SGCD: variants seen among roughly 807,000 people sequenced by gnomAD.
SGCD encodes the protein delta-sarcoglycan.
In SGCD, 18 loss-of-function variants were observed where a neutral mutation model predicts 36.6. The ratio of observed to expected loss-of-function variants is 0.49; its 90% confidence interval spans 0.34 to 0.73. The LOEUF (loss-of-function observed/expected upper bound fraction) is 0.73, where lower values mean the gene tolerates loss of function less well. Ranked by LOEUF, SGCD falls within the 30% of genes least tolerant of loss-of-function variation. SGCD has a pLI of 0.01. For synonymous variants in SGCD, 133 were observed against 130.6 expected, an observed-to-expected ratio of 1.02 and a Z score of -0.12; for missense variants, 387 against 346.7, an observed-to-expected ratio of 1.12 and a Z score of -0.92.
At chr5:155,873,455 T>C (rs1755702302) in intron 1 of SGCD, among the ~76,000 whole-genome samples, 1 of 152,168 alleles carries the variant, frequency 6.6e-6, no homozygotes. Flanking sequence ...TTCTCACTTA[T>C]AAATGTCAGA....
intron 3 of SGCD, among the ~76,000 whole-genome samples, chr5:156,364,561 G>T (rs1580877494): frequency 6.6e-6 from 1 of 152,310 alleles, no homozygotes; most frequent in East Asian, 1.9e-4. Flanking sequence ...AATCCAGTAT[G>T]TGTGTGACTT....
intron 7 of SGCD, among the ~76,000 whole-genome samples, chr5:156,686,866 C>T (rs1753923896): frequency 6.6e-6 from 1 of 152,144 alleles, no homozygotes; most frequent in Non-Finnish European, 1.5e-5. Flanking sequence ...TTAAAACTGA[C>T]CATTTCTTTT....
chr5:155,814,490 A>G, the SGCD span, among the ~76,000 whole-genome samples: 2 of 152,318 alleles, frequency 1.3e-5, no homozygotes, highest in African/African-American at 4.8e-5. Flanking sequence ...TTCCTGTTCC[A>G]GACTCTAAGC....
At chr5:156,017,742 T>C (rs1321262113) in intron 1 of SGCD, among the ~76,000 whole-genome samples, 4 of 152,146 alleles carry the variant, frequency 2.6e-5, no homozygotes, top group Non-Finnish European at 5.9e-5. Context: ...TATTGTCTTA[T>C]TTTATAGTTT....
chr5:156,139,685 AG>A (rs1265138345), intron 3 of SGCD, among the ~76,000 whole-genome samples: 2 of 152,184 alleles, frequency 1.3e-5, no homozygotes, highest in Non-Finnish European at 2.9e-5. Context: ...TCCTAACCAC[AG>A]GGAAACTTTC....
intron 3 of SGCD, among the ~76,000 whole-genome samples, chr5:156,192,959 C>G (rs1763929888): frequency 6.6e-6 from 1 of 150,968 alleles, no homozygotes; most frequent in Admixed American, 6.6e-5. Flanking sequence ...ACTAATGAGT[C>G]TGGCTGTGTT....
chr5:155,778,378 A>G, the SGCD span, among the ~76,000 whole-genome samples: 14 of 152,196 alleles, frequency 9.2e-5, no homozygotes, highest in Non-Finnish European at 1.9e-4. Context: ...CATTACCACA[A>G]ATTTTCCTTT....
intron 3 of SGCD, among the ~76,000 whole-genome samples, chr5:156,278,931 A>G (rs1766383037): frequency 6.6e-6 from 1 of 152,148 alleles, no homozygotes; most frequent in Non-Finnish European, 1.5e-5. Flanking sequence ...GTGGTTTTCA[A>G]ATGAAAGCAA....
intron 1 of SGCD, among the ~76,000 whole-genome samples, chr5:156,105,192 T>C (rs1188174002): frequency 6.6e-6 from 1 of 152,220 alleles, no homozygotes; most frequent in African/African-American, 2.4e-5. Flanking sequence ...TCCTTTCTTC[T>C]TTAAAATGTG....
chr5:156,683,592 C>CA (rs551462000), intron 7 of SGCD, among the ~76,000 whole-genome samples: 1 of 152,102 alleles, frequency 6.6e-6, no homozygotes, highest in East Asian at 1.9e-4. Flanking sequence ...CAGACAAAAA[C>CA]AAAAAACCTT....
At chr5:156,629,084 G>A (rs1762535505) in intron 6 of SGCD, among the ~76,000 whole-genome samples, 1 of 152,112 alleles carries the variant, frequency 6.6e-6, no homozygotes, top group African/African-American at 2.4e-5. Context: ...ATCTGCAGAG[G>A]GAAATGATGA....
chr5:155,802,598 A>G, the SGCD span, among the ~76,000 whole-genome samples: 1 of 152,210 alleles, frequency 6.6e-6, no homozygotes, highest in Admixed American at 6.5e-5. Context: ...TTGCTGGCAA[A>G]ATCATATGCT....
At position 156,539,318 on chromosome 5, in the gene SGCD, A is replaced by C. The variant is rs190588427; in HGVS notation, c.294+30616A>C. Among the ~76,000 whole-genome samples, 4 of 152,026 alleles carry C rather than the reference A, an allele frequency of 2.6e-5. No individual in the cohort carries two copies. In the East Asian group the frequency reaches 7.7e-4, roughly 29 times the overall value. Reference sequence around the variant, plus strand: ...CAGGTGGTTTGGGGTTACATGAATAAGTTTTTTAGTGGTGGTTTCTGAGAT... The same window carrying C: ...CAGGTGGTTTGGGGTTACATGAATACGTTTTTTAGTGGTGGTTTCTGAGAT... On this transcript the variant is annotated intron_variant, in intron 4 of 8. Transcript: ENST00000337851.
chr5:155,866,370 A>G (rs75567198), upstream of SGCD, among the ~76,000 whole-genome samples: 707 of 152,278 alleles, frequency 4.6e-3, 2 homozygotes, highest in Non-Finnish European at 6.4e-3. Flanking sequence ...TGCACCATCA[A>G]TGCAAATGCC....
chr5:155,860,120 G>A, the SGCD span, among the ~76,000 whole-genome samples: 1 of 152,208 alleles, frequency 6.6e-6, no homozygotes, highest in South Asian at 2.1e-4. Flanking sequence ...TTGCCCAGTG[G>A]TCTTCAAATG....
At chr5:156,122,113 A>G (rs1762056777) in intron 2 of SGCD, among the ~76,000 whole-genome samples, 1 of 152,192 alleles carries the variant, frequency 6.6e-6, no homozygotes, top group Non-Finnish European at 1.5e-5. Flanking sequence ...TGTCAAAAAT[A>G]CTGGAGATGG....
intron 1 of SGCD, among the ~76,000 whole-genome samples, chr5:156,071,624 A>T (rs969828689): frequency 2.0e-5 from 3 of 151,988 alleles, no homozygotes; most frequent in Non-Finnish European, 2.9e-5. Context: ...TGGGGTGGAG[A>T]GTTCTGTACA....
intron 1 of SGCD, among the ~76,000 whole-genome samples, chr5:156,082,445 G>C (rs1013090129): frequency 1.3e-5 from 2 of 152,092 alleles, no homozygotes; most frequent in African/African-American, 4.8e-5. Flanking sequence ...CTAAAAATTT[G>C]ATCACTTCAA....
chr5:156,094,243 G>A (rs1053164335), intron 1 of SGCD, among the ~76,000 whole-genome samples: 1 of 152,178 alleles, frequency 6.6e-6, no homozygotes, highest in Non-Finnish European at 1.5e-5. Flanking sequence ...GGATCTGTAA[G>A]GGGGAGGGTG....
Sources: allele counts gnomAD v4.1 joint callset (sites outside exome capture counted in the v4.1 genomes callset), GRCh38; gene constraint gnomAD v4.1.1; transcripts MANE v1.5; gene names NCBI Gene and HGNC (gene_info 2026-07-23, HGNC 2026-07-21).